The following BRMS1L variants were observed in gnomAD, a reference collection of about 807,000 sequenced individuals.
The protein encoded by BRMS1L is BRMS1 like transcriptional repressor.
BRMS1L carries 23 observed loss-of-function variants against 50.3 expected under a neutral mutation model. That is an observed-to-expected ratio of 0.46 (90% confidence interval 0.33 to 0.65). BRMS1L has a LOEUF of 0.65. Ranked by LOEUF, BRMS1L falls within the 30% of genes least tolerant of loss-of-function variation. The pLI, the probability that BRMS1L is intolerant of heterozygous loss-of-function variation, is 0.02. For missense variants in BRMS1L, 286 were observed against 386.1 expected (o/e 0.74, Z 2.17); for synonymous variants, 114 against 126.9 (o/e 0.90, Z 0.69).
intron 4 of BRMS1L, among the ~76,000 whole-genome samples, chr14:35,840,642 C>T (rs1453993735): frequency 2.0e-5 from 3 of 152,096 alleles, no homozygotes; most frequent in Non-Finnish European, 4.4e-5. Context: ...TCTAGATTTT[C>T]TAGTTTATTT....
intron 1 of BRMS1L, chr14:35,829,833 T>G (rs1316047300): frequency 1.6e-6 from 2 of 1,259,244 alleles, no homozygotes; most frequent in East Asian, 6.0e-5. Context: ...TGCAGATCAT[T>G]TTGTGCTTCA....
At chr14:35,858,726 G>T (rs1325016294) in intron 4 of BRMS1L, 2 of 152,102 alleles carry the variant, frequency 1.3e-5, no homozygotes, top group African/African-American at 2.4e-5. Context: ...TGACTCACTC[G>T]CAGGCTGGCA....
chr14:35,852,278 C>T (rs1425688079), intron 4 of BRMS1L, among the ~76,000 whole-genome samples: 2 of 152,136 alleles, frequency 1.3e-5, no homozygotes, highest in Non-Finnish European at 2.9e-5. Context: ...ATGGTCATAC[C>T]CACTGTAGCC....
chr14:35,831,343 A>T, intron 1 of BRMS1L, 67 bp from the exon 2 acceptor site: 1 of 1,073,928 alleles, frequency 9.3e-7, no homozygotes. Context: ...ACGTTCAGAT[A>T]TATTTGAGAT....
intron 1 of BRMS1L, among the ~76,000 whole-genome samples, chr14:35,827,889 G>A (rs1230730865): frequency 2.0e-5 from 3 of 152,182 alleles, no homozygotes; most frequent in African/African-American, 7.2e-5. Context: ...TATCCCTGCA[G>A]GGAGAGGGAT....
intron 1 of BRMS1L, among the ~76,000 whole-genome samples, chr14:35,827,320 T>C (rs75985844): frequency 5.3e-4 from 80 of 152,314 alleles, no homozygotes; most frequent in Middle Eastern, 3.4e-3. Context: ...TTTTAAATTA[T>C]TTTGGGTGGG....
At chr14:35,854,826 G>T (rs1594338941) in intron 4 of BRMS1L, among the ~76,000 whole-genome samples, 1 of 152,298 alleles carries the variant, frequency 6.6e-6, no homozygotes, top group East Asian at 1.9e-4. Context: ...ATTTCTGCTG[G>T]ATTGTTTCAG....
At chr14:35,866,612 G>C (rs2078425021) in intron 8 of BRMS1L, among the ~76,000 whole-genome samples, 1 of 152,132 alleles carries the variant, frequency 6.6e-6, no homozygotes, top group Non-Finnish European at 1.5e-5. Context: ...GGCTGAGGTG[G>C]GAGGATCACC....
intron 4 of BRMS1L, among the ~76,000 whole-genome samples, chr14:35,847,006 C>T (rs1324210554): frequency 1.3e-5 from 2 of 152,028 alleles, no homozygotes; most frequent in Admixed American, 6.6e-5. Flanking sequence ...GCAGGGTCTC[C>T]CTTTGTTGCC....
intron 9 of BRMS1L, among the ~76,000 whole-genome samples, chr14:35,868,818 T>C (rs1328658489): frequency 6.6e-6 from 1 of 152,172 alleles, no homozygotes; most frequent in Non-Finnish European, 1.5e-5. Flanking sequence ...CAACACAGTG[T>C]AACTTGAAAA....
chr14:35,864,599 T>C (rs1186543111), intron 6 of BRMS1L, among the ~76,000 whole-genome samples: 1 of 152,134 alleles, frequency 6.6e-6, no homozygotes, highest in Admixed American at 6.5e-5. Flanking sequence ...AAAATTGGAG[T>C]GTAAATTAAT....
At chr14:35,830,330 A>G (rs958297792) in intron 1 of BRMS1L, among the ~76,000 whole-genome samples, 10 of 152,008 alleles carry the variant, frequency 6.6e-5, no homozygotes, top group African/African-American at 2.4e-4. Context: ...CAGCCTCCCA[A>G]AGTGCTGGGA....
intron 1 of BRMS1L, 151 bp downstream of exon 1, chr14:35,826,809 G>A (rs1379356133): frequency 7.2e-6 from 8 of 1,118,560 alleles, no homozygotes; most frequent in East Asian, 2.7e-5. Flanking sequence ...GCTGCACCCT[G>A]ACCGGTCGCT....
At chr14:35,828,372 C>T (rs765085547) in intron 1 of BRMS1L, among the ~76,000 whole-genome samples, 5 of 151,310 alleles carry the variant, frequency 3.3e-5, no homozygotes, top group Non-Finnish European at 7.4e-5. Context: ...CAGGGTTTCT[C>T]CATGTTGTCC....
intron 1 of BRMS1L, among the ~76,000 whole-genome samples, chr14:35,828,957 C>CT (rs2077883477): frequency 7.1e-6 from 1 of 140,606 alleles, no homozygotes; most frequent in Non-Finnish European, 1.6e-5. Context: ...TTTTTTTTTT[C>CT]TTTTTTTTGA....
Position 35,870,343 on chromosome 14 carries a change from T to TG in BRMS1L, c.855-17_855-16insG. The TG allele has an allele frequency of 7.2e-7, 1 of 1,382,196 alleles. No homozygotes were observed. Among genetic ancestry groups the TG allele is most frequent in the East Asian group, 2.3e-5 (1 of 43,296 alleles). The allele number at this position is 1,382,196 out of a possible 1,614,324, so 85.6% of individuals were successfully genotyped here. A position where few individuals can be genotyped will look rare whatever the true frequency, so the allele number is the denominator to read the frequency against. On this transcript the variant is annotated splice_polypyrimidine_tract_variant and intron_variant, in intron 9 of 9. Transcript: ENST00000216807. ...ACATTGTAATTCATTCATTCATTCT[T>TG]TTTTTTTTCTTTTTAGTGCTGTAAT...
At chr14:35,839,924 G>A (rs1249395278) in intron 4 of BRMS1L, among the ~76,000 whole-genome samples, 1 of 152,190 alleles carries the variant, frequency 6.6e-6, no homozygotes, top group Non-Finnish European at 1.5e-5. Flanking sequence ...CGAGTGGTGA[G>A]AGAGGACATC....
At chr14:35,831,934 A>AG (rs60787205) in intron 2 of BRMS1L, among the ~76,000 whole-genome samples, 1 of 151,178 alleles carries the variant, frequency 6.6e-6, no homozygotes, top group Non-Finnish European at 1.5e-5. Flanking sequence ...AAAAAAAAAA[A>AG]TTAGTTCTGT....
chr14:35,841,259 TC>T (rs2078059147), intron 4 of BRMS1L, among the ~76,000 whole-genome samples: 2 of 152,076 alleles, frequency 1.3e-5, no homozygotes, highest in Admixed American at 6.6e-5. Flanking sequence ...GTGTTTTACT[TC>T]CAATTATGTG....
Sources: allele counts gnomAD v4.1 joint callset (sites outside exome capture counted in the v4.1 genomes callset), GRCh38; gene constraint gnomAD v4.1.1; transcripts MANE v1.5; gene names NCBI Gene and HGNC (gene_info 2026-07-23, HGNC 2026-07-21).